The following GAB1 variants were observed in gnomAD, a reference collection of about 807,000 sequenced individuals.
The protein encoded by GAB1 is GRB2 associated binding protein 1.
A neutral mutation model predicts 66.5 loss-of-function variants in GAB1; 19 were observed. The ratio of observed to expected loss-of-function variants is 0.29; its 90% CI spans 0.20 to 0.42. The LOEUF (loss-of-function observed/expected upper bound fraction) is 0.42, where lower values mean the gene tolerates loss of function less well. Ranked by LOEUF, GAB1 falls within the 10% of genes least tolerant of loss-of-function variation. The pLI is 1.00. For missense variants in GAB1, 732 were observed against 858.5 expected (o/e 0.85, Z 1.84); for synonymous variants, 294 against 301.4 (o/e 0.98, Z 0.25).
chr4:143,468,513 T>G (rs1735917510), intron 9 of GAB1, among the ~76,000 whole-genome samples: 1 of 151,846 alleles, frequency 6.6e-6, no homozygotes, highest in African/African-American at 2.4e-5. Flanking sequence ...GTGCCCAGCT[T>G]TGAATTCTTA....
At chr4:143,339,196 T>G (rs1728751057) in intron 1 of GAB1, among the ~76,000 whole-genome samples, 1 of 152,254 alleles carries the variant, frequency 6.6e-6, no homozygotes, top group South Asian at 2.1e-4. Flanking sequence ...GACTCTCACC[T>G]AGTTCATTTC....
At chr4:143,350,678 C>CAAAAA (rs34098103) in intron 1 of GAB1, among the ~76,000 whole-genome samples, 15 of 88,464 alleles carry the variant, frequency 1.7e-4, no homozygotes, top group African/African-American at 2.3e-4. Flanking sequence ...AACTCCGTCT[C>CAAAAA]AAAAAAAAAA....
chr4:143,435,270 T>C (rs929804055), intron 3 of GAB1, among the ~76,000 whole-genome samples: 15 of 152,186 alleles, frequency 9.9e-5, no homozygotes, highest in Admixed American at 2.0e-4. Flanking sequence ...TGTAATGGGA[T>C]TTTACCTGTA....
chr4:143,381,726 A>G (rs1243385000), intron 1 of GAB1, among the ~76,000 whole-genome samples: 1 of 152,192 alleles, frequency 6.6e-6, no homozygotes, highest in Non-Finnish European at 1.5e-5. Context: ...TGGAATGACT[A>G]TAGGCATTAT....
At chr4:143,369,891 G>T (rs1298318449) in intron 1 of GAB1, among the ~76,000 whole-genome samples, 2 of 152,212 alleles carry the variant, frequency 1.3e-5, no homozygotes, top group Non-Finnish European at 2.9e-5. Context: ...AAAAGGCCTA[G>T]TGTTATTTCC....
chr4:143,446,256 G>A (rs1401418757), intron 6 of GAB1, among the ~76,000 whole-genome samples: 7 of 152,182 alleles, frequency 4.6e-5, no homozygotes, highest in African/African-American at 9.6e-5. Flanking sequence ...ATAAACATAC[G>A]TGTGCATGTG....
At chr4:143,363,638 A>G (rs1729752456) in intron 1 of GAB1, among the ~76,000 whole-genome samples, 1 of 152,194 alleles carries the variant, frequency 6.6e-6, no homozygotes, top group South Asian at 2.1e-4. Context: ...GTAGTTTGAA[A>G]TCAAATTTGC....
At chr4:143,408,303 A>C (rs1262990232) in intron 1 of GAB1, among the ~76,000 whole-genome samples, 1 of 152,256 alleles carries the variant, frequency 6.6e-6, no homozygotes, top group African/African-American at 2.4e-5. Context: ...TTATAAAAGC[A>C]ATAAATGGAA....
At position 143,469,433 on chromosome 4, in the gene GAB1, C is replaced by G; in HGVS notation, c.*244C>G. On this transcript the variant is annotated 3_prime_UTR_variant, in exon 10 of 10. Transcript: ENST00000262994. ...TTTAGCTCCCAGAGAAACATTTGTTCCACAGTTAACACACTCGTAGTATTA... is the reference window on the plus strand; with the variant it reads ...TTTAGCTCCCAGAGAAACATTTGTTGCACAGTTAACACACTCGTAGTATTA... 1 of 439,228 alleles carries G rather than the reference C, an allele frequency of 2.3e-6. No homozygotes were observed. Among genetic ancestry groups the G allele is most frequent in the East Asian group, 3.6e-5 (1 of 27,482 alleles). 27.2% of individuals were successfully genotyped at this position (439,228 alleles called of 1,614,324 possible). A position where few individuals can be genotyped will look rare whatever the true frequency, so the allele number is the denominator to read the frequency against.
chr4:143,459,762 C>T (rs1361756531), intron 7 of GAB1, among the ~76,000 whole-genome samples: 5 of 152,108 alleles, frequency 3.3e-5, no homozygotes, highest in South Asian at 4.1e-4. Flanking sequence ...GTATTACTTA[C>T]GTTTTAAAAA....
At chr4:143,351,809 T>C (rs1729237845) in intron 1 of GAB1, among the ~76,000 whole-genome samples, 1 of 152,204 alleles carries the variant, frequency 6.6e-6, no homozygotes, top group Non-Finnish European at 1.5e-5. Context: ...TACTAAACAC[T>C]CTATTGCACA....
intron 1 of GAB1, among the ~76,000 whole-genome samples, chr4:143,388,645 C>A (rs1382042476): frequency 6.6e-6 from 1 of 152,094 alleles, no homozygotes; most frequent in African/African-American, 2.4e-5. Context: ...GAACTCCCGA[C>A]CTCAGGTGAT....
At chr4:143,425,401 GCTT>G (rs1733285869) in intron 2 of GAB1, 2 of 759,180 alleles carry the variant, frequency 2.6e-6, no homozygotes, top group South Asian at 1.3e-5. Context: ...GGGAGCCATG[GCTT>G]CTTGTGGTTA....
chr4:143,451,753 C>A (rs1332054542), intron 6 of GAB1, among the ~76,000 whole-genome samples: 1 of 152,010 alleles, frequency 6.6e-6, no homozygotes, highest in Non-Finnish European at 1.5e-5. Context: ...AGCAAAAGTC[C>A]CCCTGTCTGG....
intron 9 of GAB1, among the ~76,000 whole-genome samples, chr4:143,466,965 A>G (rs1004063364): frequency 2.6e-5 from 4 of 152,152 alleles, no homozygotes; most frequent in Non-Finnish European, 5.9e-5. Context: ...ATTTTCCTAC[A>G]TGTTGACCAG....
intron 1 of GAB1, among the ~76,000 whole-genome samples, chr4:143,391,001 C>G (rs1246488709): frequency 6.6e-6 from 1 of 152,160 alleles, no homozygotes; most frequent in East Asian, 1.9e-4. Flanking sequence ...AATTAAGTCA[C>G]ATGGCCGCCC....
At chr4:143,389,785 C>T (rs952832794) in intron 1 of GAB1, among the ~76,000 whole-genome samples, 6 of 152,142 alleles carry the variant, frequency 3.9e-5, no homozygotes, top group Non-Finnish European at 7.4e-5. Flanking sequence ...GATTCTGGCA[C>T]TTAATTATAA....
rs753549802 is a variant in GAB1 at position 143,440,124 on chromosome 4, C to A, written c.1327C>A (p.Leu443Met). 15 of 1,614,100 alleles carry A rather than the reference C, an allele frequency of 9.3e-6. No individual in the cohort carries two copies. The highest frequency in any genetic ancestry group is 1.2e-5 in the Non-Finnish European group (14 of 1,179,988). Residue 443 changes from leucine (L) to methionine (M), a missense_variant, in exon 6 of 10, where the codon CTG becomes ATG. By Grantham distance (15) the Leu-to-Met change is conservative. This residue lies in a region of GAB1 where 427 missense variants were observed against 420.6 expected (regional missense o/e 1.02). Transcript: ENST00000262994. ...AGTGGGAAGTGTTTCAAGTGAAGAA[C>A]TGGATGAAAATTACGTCCCAATGAA... ...LTVGSVSSEE[L>M]DENYVPMNPN...
chr4:143,465,958 T>C lies in GAB1; in HGVS notation c.1804-145T>C, dbSNP rs929219926. 27 of 794,070 alleles carry C rather than the reference T, an allele frequency of 3.4e-5. No homozygotes were observed. The African/African-American group carries it at 4.7e-4, about 14-fold the overall frequency. 49.2% of individuals were successfully genotyped at this position (794,070 alleles called of 1,614,324 possible). ...TAATCAGTTTTTTAAATATTACTTA[T>C]TTTCTTTCTATCCTAAAAGGTTGTT... On this transcript the variant is annotated intron_variant, in intron 8 of 9. Transcript: ENST00000262994.
Sources: allele counts gnomAD v4.1 joint callset (sites outside exome capture counted in the v4.1 genomes callset), GRCh38; gene constraint gnomAD v4.1.1; regional missense constraint gnomAD v4.1.1; transcripts MANE v1.5; gene names NCBI Gene and HGNC (gene_info 2026-07-23, HGNC 2026-07-21).